The following MTAP variants were observed in gnomAD, a reference collection of about 807,000 sequenced individuals.
MTAP encodes the protein S-methyl-5'-thioadenosine phosphorylase.
A neutral mutation model predicts 33.6 loss-of-function variants in MTAP; 33 were observed. That is an observed-to-expected ratio of 0.98 (90% CI 0.74 to 1.31). The LOEUF is 1.31. MTAP is among the 40% of genes most tolerant of loss of function. The pLI, the probability that MTAP is intolerant of heterozygous loss-of-function variation, is 0.00. For synonymous variants in MTAP, 148 were observed against 125.7 expected, an observed-to-expected ratio of 1.18 and a Z score of -1.19; for missense variants, 367 against 360.0, an observed-to-expected ratio of 1.02 and a Z score of -0.16.
intron 1 of MTAP, among the ~76,000 whole-genome samples, chr9:21,872,134 A>G (rs567484315): frequency 6.6e-6 from 1 of 152,226 alleles, no homozygotes; most frequent in East Asian, 1.9e-4. Flanking sequence ...CCAACATGGC[A>G]AAACCTCATC....
At chr9:21,905,266 G>A (rs939817149) in intron 1 of MTAP, among the ~76,000 whole-genome samples, 20 of 152,126 alleles carry the variant, frequency 1.3e-4, no homozygotes, top group African/African-American at 4.6e-4. Flanking sequence ...CAGCAGATGG[G>A]TGGTGAGCCA....
intron 4 of MTAP, among the ~76,000 whole-genome samples, chr9:21,820,571 G>T (rs1486454208): frequency 6.6e-6 from 1 of 152,214 alleles, no homozygotes; most frequent in Non-Finnish European, 1.5e-5. Flanking sequence ...AAGTCAGGTA[G>T]TGAGATGCCT....
At chr9:21,887,393 A>C (rs1220689617) in intron 1 of MTAP, among the ~76,000 whole-genome samples, 1 of 152,056 alleles carries the variant, frequency 6.6e-6, no homozygotes, top group Admixed American at 6.6e-5. Context: ...TAGTTTGCTG[A>C]GAATGATGGT....
chr9:21,838,447 G>C (rs1825162756), intron 5 of MTAP, among the ~76,000 whole-genome samples: 1 of 152,212 alleles, frequency 6.6e-6, no homozygotes, highest in Non-Finnish European at 1.5e-5. Context: ...TACCTTATAA[G>C]ACTGTGTGAG....
downstream of MTAP, among the ~76,000 whole-genome samples, chr9:21,870,579 T>C (rs142733220): frequency 9.2e-3 from 1,402 of 152,232 alleles, 16 homozygotes; most frequent in African/African-American, 0.032. Context: ...ATATGTAATT[T>C]TAAATTTTCT....
chr9:21,806,098 G>T (rs1824201600), intron 1 of MTAP, among the ~76,000 whole-genome samples: 1 of 152,186 alleles, frequency 6.6e-6, no homozygotes, highest in Non-Finnish European at 1.5e-5. Flanking sequence ...AGGGTTAAGA[G>T]TGGGAGGCAG....
chr9:21,820,169 GGCTTTTGTTGCCATT>G (rs1323773474), intron 4 of MTAP, among the ~76,000 whole-genome samples: 1 of 152,102 alleles, frequency 6.6e-6, no homozygotes, highest in African/African-American at 2.4e-5. Context: ...TGTCAATTTT[GGCTTTTGTTGCCATT>G]GCTTTTGGTG....
chr9:21,804,484 T>G (rs746551582), intron 1 of MTAP, among the ~76,000 whole-genome samples: 27 of 152,350 alleles, frequency 1.8e-4, no homozygotes, highest in Non-Finnish European at 3.4e-4. Flanking sequence ...TGTGTATTTT[T>G]GGTCTTGGCA....
intron 1 of MTAP, among the ~76,000 whole-genome samples, chr9:21,905,934 G>T (rs914739711): frequency 6.6e-6 from 1 of 152,136 alleles, no homozygotes; most frequent in Non-Finnish European, 1.5e-5. Flanking sequence ...TGTGTAAAAG[G>T]CAGCTTTCAA....
rs1825845572 is a variant in MTAP, at chr9:21,865,872, A to G, written c.*3858A>G. On this transcript the variant is annotated 3_prime_UTR_variant, in exon 8 of 8. Coordinates refer to ENST00000644715, the MANE Select transcript of MTAP (RefSeq NM_002451.4). ...TTATTGCCTAGTAGTATTCTGTCAT[A>G]TGCCTATCTTACAATTTGATTATCT... 1 of 794,108 alleles carries G rather than the reference A, an allele frequency of 1.3e-6. No homozygotes were observed. Among genetic ancestry groups the G allele is most frequent in the Non-Finnish European group, 1.5e-6 (1 of 654,982 alleles). 49.2% of individuals were successfully genotyped at this position (794,108 alleles called of 1,614,324 possible).
At chr9:21,906,486 G>A (rs1818480467) in intron 1 of MTAP, among the ~76,000 whole-genome samples, 1 of 152,048 alleles carries the variant, frequency 6.6e-6, no homozygotes, top group African/African-American at 2.4e-5. Context: ...AGGGGAGAGA[G>A]GAGGAGAGCA....
chr9:21,912,354 C>T (rs1415102191), intron 1 of MTAP, among the ~76,000 whole-genome samples: 1 of 152,170 alleles, frequency 6.6e-6, no homozygotes, highest in East Asian at 1.9e-4. Context: ...GACCAATATT[C>T]CTGGTGAACA....
At chr9:21,939,705 A>AAATAAT (rs61336285), downstream of MTAP, among the ~76,000 whole-genome samples, 4,811 of 150,736 alleles carry the variant, frequency 0.032, 241 homozygotes, top group African/African-American at 0.11. Context: ...CTCTATGAAA[A>AAATAAT]AATAATAATA....
chr9:21,831,976 G>A (rs1010797846), intron 4 of MTAP, among the ~76,000 whole-genome samples: 9 of 152,134 alleles, frequency 5.9e-5, no homozygotes, highest in African/African-American at 2.2e-4. Flanking sequence ...TTAGAAGTGA[G>A]GACATCCAGA....
At chr9:21,805,027 T>C (rs1824172677) in intron 1 of MTAP, among the ~76,000 whole-genome samples, 2 of 152,252 alleles carry the variant, frequency 1.3e-5, no homozygotes, top group East Asian at 3.8e-4. Context: ...CAGTGCCCAC[T>C]GCACACCACC....
chr9:21,811,164 C>T (rs762931627), intron 1 of MTAP, among the ~76,000 whole-genome samples: 1 of 152,172 alleles, frequency 6.6e-6, no homozygotes, highest in Non-Finnish European at 1.5e-5. Flanking sequence ...TAGTCTCAAC[C>T]GCTTGGGGTG....
intron 1 of MTAP, among the ~76,000 whole-genome samples, chr9:21,883,492 A>G (rs576199641): frequency 8.5e-5 from 13 of 152,216 alleles, no homozygotes; most frequent in African/African-American, 3.1e-4. Context: ...TAAATTGAAG[A>G]TAAGCCTACT....
Position 21,863,097 on chromosome 9 carries a change from A to G in MTAP, c.*1083A>G, listed in dbSNP as rs1168305438. On this transcript the variant is annotated 3_prime_UTR_variant, in exon 8 of 8. Coordinates refer to ENST00000644715, the MANE Select transcript of MTAP (RefSeq NM_002451.4). Reference sequence around the variant, plus strand: ...AGTCAGAACAGTACTTGGGTTTGCAACAGCTTTCTGAGAAAAGCTAGGTGT... The same window carrying G: ...AGTCAGAACAGTACTTGGGTTTGCAGCAGCTTTCTGAGAAAAGCTAGGTGT... The G allele has an allele frequency of 2.0e-6, 2 of 985,132 alleles. No homozygotes were observed. Among genetic ancestry groups the G allele is most frequent in the Non-Finnish European group, 2.4e-6 (2 of 829,668 alleles). 61.0% of individuals were successfully genotyped at this position (985,132 alleles called of 1,614,324 possible).
chr9:21,930,880 C>G (rs926485761), intron 1 of MTAP: 2 of 632,186 alleles, frequency 3.2e-6, no homozygotes, highest in South Asian at 3.8e-5. Context: ...TGGTAAGGAA[C>G]CTGGAAATGG....
Sources: allele counts gnomAD v4.1 joint callset (sites outside exome capture counted in the v4.1 genomes callset), GRCh38; gene constraint gnomAD v4.1.1; transcripts MANE v1.5; gene names NCBI Gene and HGNC (gene_info 2026-07-23, HGNC 2026-07-21).